RASGRF2: variants seen among roughly 807,000 people sequenced by gnomAD.
The protein encoded by RASGRF2 is Ras protein specific guanine nucleotide releasing factor 2, also known as ras-specific guanine nucleotide-releasing factor 2.
RASGRF2 carries 76 observed loss-of-function variants against 151.0 expected under a neutral mutation model. The observed-to-expected ratio is 0.50, with a 90% CI of 0.42 to 0.61. The LOEUF (loss-of-function observed/expected upper bound fraction) is 0.61, where lower values mean the gene tolerates loss of function less well. Ranked by LOEUF, RASGRF2 falls within the 20% of genes least tolerant of loss-of-function variation. RASGRF2 has a pLI of 0.00. For synonymous variants in RASGRF2, 504 were observed against 566.5 expected (o/e 0.89, Z 1.57); for missense variants, 1,148 against 1,564.6 (o/e 0.73, Z 4.49).
intron 17 of RASGRF2, among the ~76,000 whole-genome samples, chr5:81,174,112 C>A (rs895668327): frequency 1.3e-5 from 2 of 152,086 alleles, no homozygotes; most frequent in Non-Finnish European, 2.9e-5. Flanking sequence ...CAAAAGTTCA[C>A]AGAATTTATT....
chr5:81,203,614 A>G (rs371110984), intron 19 of RASGRF2, among the ~76,000 whole-genome samples: 99 of 152,336 alleles, frequency 6.5e-4, no homozygotes, highest in African/African-American at 2.2e-3. Context: ...TACAACACTG[A>G]GCAGAGTCTG....
intron 2 of RASGRF2, among the ~76,000 whole-genome samples, chr5:81,043,671 A>G (rs1221641495): frequency 6.6e-6 from 1 of 152,068 alleles, no homozygotes; most frequent in Non-Finnish European, 1.5e-5. Flanking sequence ...CATGGCTCTC[A>G]AGCTCTTGCT....
intron 17 of RASGRF2, among the ~76,000 whole-genome samples, chr5:81,179,537 G>GATTCTTAT (rs1754864080): frequency 6.6e-6 from 1 of 152,096 alleles, no homozygotes; most frequent in Admixed American, 6.5e-5. Flanking sequence ...ATTCTTATGG[G>GATTCTTAT]GTACAATGTG....
At chr5:81,216,074 AC>A in intron 24 of RASGRF2, 119 bp downstream of exon 24, 2 of 1,041,520 alleles carry the variant, frequency 1.9e-6, no homozygotes, top group Non-Finnish European at 2.5e-6. Context: ...TAAATGGGAA[AC>A]AACTTGTATC....
At chr5:80,961,475 T>C (rs1412384490) in intron 1 of RASGRF2, among the ~76,000 whole-genome samples, 2 of 151,676 alleles carry the variant, frequency 1.3e-5, no homozygotes, top group African/African-American at 4.9e-5. Context: ...CCTGCAGATG[T>C]TTGACCACTG....
intron 15 of RASGRF2, among the ~76,000 whole-genome samples, chr5:81,116,066 C>CTTT (rs575647502): frequency 0.021 from 1,020 of 49,048 alleles, 322 homozygotes; most frequent in East Asian, 0.042. Flanking sequence ...AATGCCATTT[C>CTTT]TTTTTTTTTT....
chr5:81,131,457 C>T (rs1003138510), intron 17 of RASGRF2, among the ~76,000 whole-genome samples: 2 of 151,978 alleles, frequency 1.3e-5, no homozygotes, highest in African/African-American at 4.8e-5. Flanking sequence ...CAGGTTCAAG[C>T]GATTCTCCTG....
intron 22 of RASGRF2, among the ~76,000 whole-genome samples, chr5:81,211,400 A>G (rs1327967339): frequency 6.6e-6 from 1 of 152,216 alleles, no homozygotes; most frequent in Non-Finnish European, 1.5e-5. Context: ...AAAAGAATCT[A>G]TTCTATCCCA....
chr5:81,054,153 G>T (rs377744555), intron 2 of RASGRF2, among the ~76,000 whole-genome samples: 2 of 152,210 alleles, frequency 1.3e-5, no homozygotes, highest in East Asian at 1.9e-4. Flanking sequence ...GTCAATTTTG[G>T]CTTTTGTTGC....
intron 1 of RASGRF2, among the ~76,000 whole-genome samples, chr5:80,996,054 C>T (rs775707338): frequency 1.3e-5 from 2 of 152,076 alleles, no homozygotes; most frequent in African/African-American, 2.4e-5. Context: ...ACCCCCTCCA[C>T]TCTTCCACCT....
intron 21 of RASGRF2, 94 bp from the exon 22 acceptor site, chr5:81,208,260 G>A (rs1755553707): frequency 9.3e-7 from 1 of 1,076,782 alleles, no homozygotes; most frequent in African/African-American, 1.6e-5. Flanking sequence ...CATGTCAAAT[G>A]GAATTTTTCT....
rs148613888 is a variant in RASGRF2, at chr5:80,996,982, G to A, written c.288+35956G>A. ...TGAGGCACATGATAAAAATTAGCTG[G>A]CAATAAAGATTTTATAACTAAAGTC... On this transcript the variant is annotated intron_variant, in intron 1 of 26. Transcript: ENST00000265080. Among the ~76,000 whole-genome samples, 9 of 152,186 alleles carry A rather than the reference G, an allele frequency of 5.9e-5. No individual in the cohort carries two copies. The East Asian group carries it at 1.7e-3, about 29-fold the overall frequency.
intron 18 of RASGRF2, among the ~76,000 whole-genome samples, chr5:81,196,506 T>C (rs890287866): frequency 2.0e-5 from 3 of 152,188 alleles, no homozygotes; most frequent in Non-Finnish European, 4.4e-5. Context: ...CCTTCAAAGG[T>C]CCCTCTCAGA....
At chr5:81,001,198 C>T (rs1440003945) in intron 1 of RASGRF2, among the ~76,000 whole-genome samples, 3 of 152,178 alleles carry the variant, frequency 2.0e-5, no homozygotes, top group Non-Finnish European at 4.4e-5. Flanking sequence ...CAATAGCCTT[C>T]CAGCAGCAGT....
chr5:81,102,592 G>T (rs1394765796), intron 12 of RASGRF2, among the ~76,000 whole-genome samples: 1 of 151,948 alleles, frequency 6.6e-6, no homozygotes, highest in African/African-American at 2.4e-5. Context: ...CTACTCAGGA[G>T]GCTGAGGCAG....
At chr5:81,085,673 A>T (rs1306421356) in intron 7 of RASGRF2, 129 bp from the exon 8 acceptor site, 48 of 1,392,774 alleles carry the variant, frequency 3.4e-5, no homozygotes, top group Non-Finnish European at 4.5e-5. Context: ...TTCTTTTTTA[A>T]AAAATGTGTA....
chr5:81,057,300 A>G (rs1330031678), intron 2 of RASGRF2, among the ~76,000 whole-genome samples: 1 of 151,980 alleles, frequency 6.6e-6, no homozygotes, highest in Non-Finnish European at 1.5e-5. Context: ...GGGCTGTGAC[A>G]TTTCATTTGG....
At chr5:80,992,183 T>TACACACACATACACACACACACACACAC (rs1748673052) in intron 1 of RASGRF2, among the ~76,000 whole-genome samples, 3 of 140,342 alleles carry the variant, frequency 2.1e-5, no homozygotes, top group Admixed American at 7.1e-5. Context: ...CACACACAGA[T>TACACACACATACACACACACACACACAC]ACACACACAC....
intron 1 of RASGRF2, among the ~76,000 whole-genome samples, chr5:81,019,046 C>T (rs368879865): frequency 6.8e-6 from 1 of 147,976 alleles, no homozygotes; most frequent in East Asian, 2.0e-4. Context: ...GTGATCCCCC[C>T]AACCTCGGCC....
Sources: allele counts gnomAD v4.1 joint callset (sites outside exome capture counted in the v4.1 genomes callset), GRCh38; gene constraint gnomAD v4.1.1; transcripts MANE v1.5; gene names NCBI Gene and HGNC (gene_info 2026-07-23, HGNC 2026-07-21).